The following TMEM131L variants were observed in gnomAD, a reference collection of about 807,000 sequenced individuals.
TMEM131L encodes the protein transmembrane 131 like.
In TMEM131L, 54 loss-of-function variants were observed where a neutral mutation model predicts 192.2. That is an observed-to-expected ratio of 0.28 (90% confidence interval 0.23 to 0.35). TMEM131L has a LOEUF of 0.35. TMEM131L is among the 10% of genes least tolerant of loss of function. The pLI is 1.00. For synonymous variants in TMEM131L, 701 were observed against 704.9 expected (o/e 0.99, Z 0.09); for missense variants, 1,888 against 1,972.9 (o/e 0.96, Z 0.82).
intron 8 of TMEM131L, 94 bp downstream of exon 8, chr4:153,580,997 TA>T: frequency 1.2e-6 from 1 of 865,940 alleles, no homozygotes; most frequent in Non-Finnish European, 1.9e-6. Context: ...CTCATGCCTG[TA>T]ATCCCAGCAC....
At position 153,636,600 on chromosome 4, in the gene TMEM131L, G is replaced by A; in HGVS notation, c.*24G>A. 6.2e-7 allele frequency: 1 copy of A among 1,602,344 alleles called. No individual in the cohort carries two copies. Among genetic ancestry groups the A allele is most frequent in the Non-Finnish European group, 8.5e-7 (1 of 1,171,122 alleles). On this transcript the variant is annotated 3_prime_UTR_variant, in exon 35 of 35. Transcript: ENST00000409959. ...GAAAATAATTGGATTTTTAAACAAT[G>A]TGAATAAAGAGGCTTGTGTTTTGAT...
chr4:153,565,355 C>T (rs1729121583), intron 7 of TMEM131L, among the ~76,000 whole-genome samples: 1 of 152,200 alleles, frequency 6.6e-6, no homozygotes, highest in Admixed American at 6.5e-5. Context: ...TATAACTTCA[C>T]CTTTTCACCA....
At chr4:153,598,812 T>C in intron 21 of TMEM131L, 80 bp downstream of exon 21, 1 of 1,184,276 alleles carries the variant, frequency 8.4e-7, no homozygotes, top group South Asian at 2.7e-5. Flanking sequence ...AATTCTAAAT[T>C]TTAAATTCTA....
intron 4 of TMEM131L, among the ~76,000 whole-genome samples, chr4:153,553,315 G>A (rs1022372848): frequency 6.6e-6 from 1 of 152,132 alleles, no homozygotes; most frequent in Non-Finnish European, 1.5e-5. Context: ...ATTTGTTGCT[G>A]AGAAGGAATG....
intron 3 of TMEM131L, among the ~76,000 whole-genome samples, chr4:153,488,990 C>A (rs1466133769): frequency 6.6e-6 from 1 of 152,188 alleles, no homozygotes; most frequent in African/African-American, 2.4e-5. Context: ...GGGGCCCACC[C>A]TACTCCAGTC....
At chr4:153,603,236 A>G in intron 23 of TMEM131L, 67 bp from the exon 24 acceptor site, 3 of 1,378,158 alleles carry the variant, frequency 2.2e-6, no homozygotes, top group South Asian at 1.5e-5. Flanking sequence ...CTCTTCTGTA[A>G]TGAAACTAGT....
At chr4:153,591,023 T>A in intron 16 of TMEM131L, 30 bp from the exon 17 acceptor site, 1 of 1,418,758 alleles carries the variant, frequency 7.0e-7, no homozygotes, top group Non-Finnish European at 9.4e-7. Flanking sequence ...CAAAATATTT[T>A]TCATAATAGT....
intron 3 of TMEM131L, among the ~76,000 whole-genome samples, chr4:153,543,010 C>A (rs1035796409): frequency 1.3e-5 from 2 of 152,236 alleles, no homozygotes; most frequent in African/African-American, 4.8e-5. Context: ...GGCTGCTGTA[C>A]ATCCCCAGGT....
chr4:153,500,035 TCCTTCCTC>T (rs1438278864), intron 3 of TMEM131L, among the ~76,000 whole-genome samples: 1 of 138,646 alleles, frequency 7.2e-6, no homozygotes, highest in Non-Finnish European at 1.6e-5. Context: ...GAACCAACCT[TCCTTCCTC>T]CCTTCCTCCC....
intron 25 of TMEM131L, among the ~76,000 whole-genome samples, chr4:153,605,353 ACC>A (rs1165754466): frequency 3.9e-5 from 6 of 152,204 alleles, no homozygotes; most frequent in African/African-American, 7.2e-5. Context: ...GTATTTCTGT[ACC>A]TGTTATAGTC....
At chr4:153,551,929 C>T (rs1737654726) in intron 4 of TMEM131L, among the ~76,000 whole-genome samples, 1 of 152,044 alleles carries the variant, frequency 6.6e-6, no homozygotes, top group South Asian at 2.1e-4. Flanking sequence ...TATTGTGAGG[C>T]TGAGCGCGGT....
intron 1 of TMEM131L, among the ~76,000 whole-genome samples, 184 bp downstream of exon 1, chr4:153,466,705 C>G (rs1408970759): frequency 6.6e-6 from 1 of 152,192 alleles, no homozygotes; most frequent in Admixed American, 6.5e-5. Flanking sequence ...TCCCGCGCCT[C>G]TCTGCCCCGT....
At chr4:153,547,611 CAG>C (rs1257761468) in intron 3 of TMEM131L, among the ~76,000 whole-genome samples, 1 of 152,080 alleles carries the variant, frequency 6.6e-6, no homozygotes, top group Non-Finnish European at 1.5e-5. Context: ...TTCCATTTTA[CAG>C]AGAATAAGGT....
intron 23 of TMEM131L, among the ~76,000 whole-genome samples, chr4:153,602,998 GAATGTT>G (rs1221729820): frequency 1.3e-5 from 2 of 152,188 alleles, no homozygotes; most frequent in African/African-American, 4.8e-5. Flanking sequence ...TGGATGATAT[GAATGTT>G]AATTACTTGT....
chr4:153,620,472 AAAG>A (rs1733310579), intron 26 of TMEM131L, among the ~76,000 whole-genome samples: 1 of 152,256 alleles, frequency 6.6e-6, no homozygotes, highest in African/African-American at 2.4e-5. Context: ...TTATTGCTGC[AAAG>A]TTAACAGCAA....
At chr4:153,482,012 A>G (rs1044314552) in intron 3 of TMEM131L, among the ~76,000 whole-genome samples, 1 of 151,870 alleles carries the variant, frequency 6.6e-6, no homozygotes, top group Non-Finnish European at 1.5e-5. Flanking sequence ...ACGCCCAGCT[A>G]ATTTTTGTAT....
intron 3 of TMEM131L, among the ~76,000 whole-genome samples, chr4:153,547,830 T>C (rs1363086620): frequency 1.3e-5 from 2 of 152,240 alleles, no homozygotes; most frequent in Non-Finnish European, 2.9e-5. Context: ...TGCCTTTTAG[T>C]AGCTATGTGA....
At chr4:153,619,201 T>C (rs974528857) in intron 26 of TMEM131L, among the ~76,000 whole-genome samples, 11 of 152,174 alleles carry the variant, frequency 7.2e-5, no homozygotes, top group Non-Finnish European at 1.5e-5. Context: ...ACTGAGAGAC[T>C]GATTTTTTAT....
chr4:153,532,485 G>C (rs114965870), intron 3 of TMEM131L, among the ~76,000 whole-genome samples: 1 of 151,652 alleles, frequency 6.6e-6, no homozygotes, highest in Non-Finnish European at 1.5e-5. Context: ...AATTCACATG[G>C]CATACAATTT....
Sources: gnomAD v4.1 joint callset for allele counts (sites outside exome capture counted in the v4.1 genomes callset) on GRCh38, gnomAD v4.1.1 for gene constraint, MANE v1.5 for transcripts, NCBI Gene and HGNC (gene_info 2026-07-23, HGNC 2026-07-21) for gene names.